Variants in MBTPS1 observed in about 807,000 individuals in gnomAD.
MBTPS1 encodes membrane-bound transcription factor site-1 protease.
In MBTPS1, 94 loss-of-function variants were observed where a neutral mutation model predicts 127.8. That is an observed-to-expected ratio of 0.74 (90% CI 0.62 to 0.87). The LOEUF is 0.87. MBTPS1 is among the 40% of genes least tolerant of loss of function. MBTPS1 has a pLI of 0.00. For synonymous variants in MBTPS1, 632 were observed against 509.4 expected (o/e 1.24, Z -3.24); for missense variants, 1,636 against 1,353.2 (o/e 1.21, Z -3.28).
chr16:84,054,668 A>T (rs902184447), intron 22 of MBTPS1, 23 bp from the exon 23 acceptor site: 3 of 1,537,658 alleles, frequency 2.0e-6, no homozygotes, highest in Non-Finnish European at 2.6e-6. Context: ...AGCCGGTTGA[A>T]CAGGCAGGAA....
chr16:84,059,387 A>C lies in MBTPS1; in HGVS notation c.2746T>G (p.Leu916Val), dbSNP rs2085572738. ...HRYSKVLEAH[L>V]GDPKPRPLPA... ...AGAGGCCGAGGTTTTGGGTCTCCCA[A>C]ATGGGCCTCCAGAACCTTGGAGTAC... is the stretch of plus-strand genomic sequence containing the variant. The change falls in exon 21 of 23, where the codon TTG (leucine) becomes GTG (valine). Residue 916 changes from leucine (L) to valine (V), a missense_variant. Leu to Val is a conservative substitution (Grantham distance 32). Transcript: ENST00000343411. 1.2e-6 allele frequency: 2 copies of C among 1,614,142 alleles called. No individual in the cohort carries two copies. The highest frequency in any genetic ancestry group is 1.7e-6 in the Non-Finnish European group (2 of 1,179,984).
At chr16:84,069,813 C>T (rs1164379290) in intron 14 of MBTPS1, 53 bp downstream of exon 14, 1 of 1,509,854 alleles carries the variant, frequency 6.6e-7, no homozygotes, top group African/African-American at 1.4e-5. Flanking sequence ...ACAGTGGTGC[C>T]TCCTCCCACC....
At chr16:84,079,354 G>A (rs1036105496) in intron 11 of MBTPS1, among the ~76,000 whole-genome samples, 4 of 152,158 alleles carry the variant, frequency 2.6e-5, no homozygotes, top group Non-Finnish European at 5.9e-5. Flanking sequence ...CCACAGTCAT[G>A]TTTCACACAC....
At position 84,093,835 on chromosome 16, in the gene MBTPS1, G is replaced by C. The variant is rs1418785451; in HGVS notation, c.626-14C>G. ...TTACATTAGCACCTTATTCGGAAAA[G>C]AAAGCAAACACAATTATGTTTGAAG... is the stretch of plus-strand genomic sequence containing the variant. On this transcript the variant is annotated splice_polypyrimidine_tract_variant and intron_variant, in intron 4 of 22. Coordinates refer to ENST00000343411, the MANE Select transcript of MBTPS1 (RefSeq NM_003791.4). The C allele has an allele frequency of 3.9e-6, 6 of 1,523,608 alleles. No individual in the cohort carries two copies. Among genetic ancestry groups the C allele is most frequent in the Non-Finnish European group, 5.5e-6 (6 of 1,097,518 alleles). 94.4% of individuals were successfully genotyped at this position (1,523,608 alleles called of 1,614,324 possible). A position where few individuals can be genotyped will look rare whatever the true frequency, so the allele number is the denominator to read the frequency against.
At chr16:84,064,833 G>A (rs746363533) in intron 18 of MBTPS1, among the ~76,000 whole-genome samples, 2 of 152,082 alleles carry the variant, frequency 1.3e-5, no homozygotes, top group African/African-American at 2.4e-5. Context: ...ATCCCTTCCA[G>A]GTAATATAAA....
In MBTPS1 at chr16:84,054,240, G is replaced by C; in HGVS notation, c.*209C>G. The C allele has an allele frequency of 2.5e-6, 1 of 400,096 alleles. No individual in the cohort carries two copies. Among genetic ancestry groups the C allele is most frequent in the Non-Finnish European group, 4.4e-6 (1 of 225,906 alleles). The allele number at this position is 400,096 out of a possible 1,614,324, so 24.8% of individuals were successfully genotyped here. A position where few individuals can be genotyped will look rare whatever the true frequency, so the allele number is the denominator to read the frequency against. On this transcript the variant is annotated 3_prime_UTR_variant, in exon 23 of 23. Transcript: ENST00000343411. ...GTCTCACTGGCGGCAGAGCCACTAA[G>C]TCCCTCCTGACGGGATCCACAGGAA...
intron 3 of MBTPS1, among the ~76,000 whole-genome samples, chr16:84,096,222 T>C (rs992255116): frequency 2.0e-5 from 3 of 152,186 alleles, no homozygotes; most frequent in Non-Finnish European, 4.4e-5. Context: ...TAAGTTTCAC[T>C]AGATTTCTTG....
intron 12 of MBTPS1, among the ~76,000 whole-genome samples, chr16:84,072,377 G>A (rs1212249553): frequency 1.3e-5 from 2 of 152,188 alleles, no homozygotes; most frequent in African/African-American, 4.8e-5. Flanking sequence ...TGAAGGAGAT[G>A]TTGGCACAGC....
At chr16:84,067,477 C>T (rs1208343455) in intron 16 of MBTPS1, among the ~76,000 whole-genome samples, 190 bp downstream of exon 16, 1 of 152,198 alleles carries the variant, frequency 6.6e-6, no homozygotes, top group Non-Finnish European at 1.5e-5. Context: ...CTCAGCCTTC[C>T]AAAGTGCTGG....
intron 10 of MBTPS1, among the ~76,000 whole-genome samples, chr16:84,083,897 G>A (rs1263845231): frequency 6.6e-6 from 1 of 152,110 alleles, no homozygotes; most frequent in East Asian, 1.9e-4. Context: ...AAGAAACACG[G>A]GCCACCGATG....
chr16:84,077,679 C>A (rs953375665), intron 11 of MBTPS1, among the ~76,000 whole-genome samples: 3 of 152,156 alleles, frequency 2.0e-5, no homozygotes, highest in African/African-American at 7.2e-5. Context: ...TTTTACCTCC[C>A]TCAGTGCAGA....
chr16:84,116,242 C>G (rs190860692), intron 1 of MBTPS1, among the ~76,000 whole-genome samples: 1 of 152,336 alleles, frequency 6.6e-6, no homozygotes, highest in African/African-American at 2.4e-5. Context: ...GTAGCGCAAC[C>G]ATGCCAAGGC....
intron 9 of MBTPS1, among the ~76,000 whole-genome samples, chr16:84,085,592 AG>A (rs1427753834): frequency 1.5e-5 from 2 of 136,260 alleles, no homozygotes; most frequent in Non-Finnish European, 1.6e-5. Flanking sequence ...AAAAAAAAAG[AG>A]AAAAAAACAA....
At chr16:84,071,498 A>G (rs997519782) in intron 12 of MBTPS1, among the ~76,000 whole-genome samples, 2 of 152,262 alleles carry the variant, frequency 1.3e-5, no homozygotes, top group Admixed American at 6.5e-5. Flanking sequence ...CCAAATAATG[A>G]GGAAGAAAAG....
chr16:84,083,464 T>C (rs998157718), intron 10 of MBTPS1, among the ~76,000 whole-genome samples: 1 of 152,118 alleles, frequency 6.6e-6, no homozygotes, highest in Admixed American at 6.5e-5. Flanking sequence ...ACCCCTTTTT[T>C]TTTTTTGGTA....
chr16:84,070,081 G>A, intron 13 of MBTPS1, 43 bp from the exon 14 acceptor site: 1 of 1,501,856 alleles, frequency 6.7e-7, no homozygotes, highest in South Asian at 1.3e-5. Flanking sequence ...TCATTGTGCA[G>A]AAAGAAACTT....
At chr16:84,114,621 G>C (rs1338945363) in intron 1 of MBTPS1, among the ~76,000 whole-genome samples, 1 of 151,758 alleles carries the variant, frequency 6.6e-6, no homozygotes. Flanking sequence ...ATGAGGTCAA[G>C]GAGTCTGAAA....
At chr16:84,101,439 C>T (rs767810492) in intron 2 of MBTPS1, among the ~76,000 whole-genome samples, 182 bp downstream of exon 2, 2 of 150,196 alleles carry the variant, frequency 1.3e-5, no homozygotes, top group South Asian at 2.1e-4. Flanking sequence ...TACAGTGAGC[C>T]GAGATCATGC....
At chr16:84,102,369 T>A (rs553029842) in intron 1 of MBTPS1, among the ~76,000 whole-genome samples, 1 of 152,188 alleles carries the variant, frequency 6.6e-6, no homozygotes, top group African/African-American at 2.4e-5. Context: ...ATCCTGGTTT[T>A]AAGACAAATT....
Sources: gnomAD v4.1 joint callset for allele counts (sites outside exome capture counted in the v4.1 genomes callset) on GRCh38, gnomAD v4.1.1 for gene constraint, MANE v1.5 for transcripts, NCBI Gene and HGNC (gene_info 2026-07-23, HGNC 2026-07-21) for gene names.